The following DVL2 variants were observed in gnomAD, a reference collection of about 807,000 sequenced individuals.
DVL2 encodes the protein dishevelled segment polarity protein 2.
Under a neutral mutation model 69.8 loss-of-function variants are expected in DVL2, and 38 were observed. The observed-to-expected ratio is 0.54, with a 90% CI of 0.42 to 0.71. The LOEUF (loss-of-function observed/expected upper bound fraction) is 0.71. DVL2 is among the 30% of genes least tolerant of loss of function. The probability of loss-of-function intolerance (pLI) is 0.00; values close to 1 mark genes in which losing one functional copy is unlikely to be tolerated. For missense variants in DVL2, 931 were observed against 1,008.1 expected (o/e 0.92, Z 1.04); for synonymous variants, 428 against 392.4 (o/e 1.09, Z -1.07).
intron 1 of DVL2, 79 bp from the exon 2 acceptor site, chr17:7,230,876 T>TCCAGGAG (rs1294993201): frequency 1.0e-5 from 11 of 1,085,568 alleles, no homozygotes; most frequent in Admixed American, 6.2e-5. Flanking sequence ...TCTCCCAATC[T>TCCAGGAG]TCACCTGGCT....
In DVL2 at chr17:7,226,277, C is replaced by T. The variant is rs1204840227; in HGVS notation, c.1799G>A (p.Gly600Glu). 6.3e-7 allele frequency: 1 copy of T among 1,594,400 alleles called. No individual in the cohort carries two copies. The highest frequency in any genetic ancestry group is 1.3e-5 in the African/African-American group (1 of 74,230). The part of the protein sequence containing the change: ...RSSGSTRSDG[G>E]AGRTGRPEER... ...CTCGGGCCTCCCCGTGCGCCCTGCC[C>T]CCCCATCACTCCGTGTCGACCCACT... The change falls in exon 15 of 15, where the codon GGG becomes GAG. Residue 600 changes from glycine to glutamate, a missense_variant. Physicochemically the swap from Gly to Glu is moderately conservative, Grantham distance 98. Coordinates refer to ENST00000005340, the MANE Select transcript of DVL2 (RefSeq NM_004422.3).
Position 7,225,924 on chromosome 17 carries a change from G to T in DVL2, c.2152C>A (p.Arg718Ser). 6.2e-7 allele frequency: 1 copy of T among 1,613,908 alleles called. No homozygotes were observed. Among genetic ancestry groups the T allele is most frequent in the Non-Finnish European group, 8.5e-7 (1 of 1,180,034 alleles). Reference protein sequence around the residue: ...GSVPPELTASRQSFHMAMGNP... With the variant: ...GSVPPELTASSQSFHMAMGNP... Reference sequence around the variant, plus strand: ...CCCATGGCCATGTGGAAGCTTTGGCGGCTGGCTGTCAGTTCTGGGGGCACA... The same window carrying T: ...CCCATGGCCATGTGGAAGCTTTGGCTGCTGGCTGTCAGTTCTGGGGGCACA... The change falls in exon 15 of 15, where the codon CGC becomes AGC. Residue 718 changes from arginine (R) to serine (S), a missense_variant. Physicochemically the swap from Arg to Ser is moderately radical, Grantham distance 110 (BLOSUM62 -1). Around this residue, in one of 3 missense-constraint regions of DVL2, gnomAD observed 314 missense variants for 313.7 expected, o/e 1.00. Coordinates refer to ENST00000005340, the MANE Select transcript of DVL2 (RefSeq NM_004422.3).
chr17:7,232,430 C>T (rs561172798), intron 1 of DVL2, among the ~76,000 whole-genome samples: 1 of 152,236 alleles, frequency 6.6e-6, no homozygotes, highest in Non-Finnish European at 1.5e-5. Flanking sequence ...ATAACACAAT[C>T]TCAGCACAGC....
Position 7,227,229 on chromosome 17 carries a change from G to GCCCT in DVL2, c.1400_1403dup (p.Phe469GlyfsTer4). ...TGCGGGCCTCCCGCCGCTCAGGAAA[G>GCCCT]CCCTCCACGTGATGGTAGAGCCAGT... On this transcript the variant is annotated frameshift_variant, in exon 13 of 15. Transcript: ENST00000005340. LOFTEE classifies it high-confidence loss of function. 1 of 1,613,660 alleles carries GCCCT rather than the reference G, an allele frequency of 6.2e-7. No homozygotes were observed. The highest frequency in any genetic ancestry group is 8.5e-7 in the Non-Finnish European group (1 of 1,179,678).
chr17:7,228,244 C>T (rs2071488620), intron 9 of DVL2, 200 bp from the exon 10 acceptor site: 1 of 521,834 alleles, frequency 1.9e-6, no homozygotes, highest in South Asian at 2.7e-5. Flanking sequence ...AACATACTGC[C>T]AAGTGAGACA....
chr17:7,230,052 G>A lies in DVL2; in HGVS notation c.514C>T (p.His172Tyr). ...CCCCAGGCCTGCCCCTCACCGCCAT[G>A]CTCACTGCTGTCTCTCCTGCGAGGC... Reference protein sequence around the residue: ...ERPRRRDSSEHGAGGHRTGGP... With the variant: ...ERPRRRDSSEYGAGGHRTGGP... The change falls in exon 4 of 15, where the codon CAT becomes TAT. Residue 172 changes from histidine to tyrosine, a missense_variant. By Grantham distance (83) the His-to-Tyr change is moderately conservative. Transcript: ENST00000005340. 4 of 1,613,914 alleles carry A rather than the reference G, an allele frequency of 2.5e-6. No homozygotes were observed. Among genetic ancestry groups the A allele is most frequent in the Non-Finnish European group, 3.4e-6 (4 of 1,180,024 alleles).
intron 9 of DVL2, 73 bp from the exon 10 acceptor site, chr17:7,228,117 G>A (rs2071486160): frequency 3.1e-6 from 4 of 1,286,128 alleles, no homozygotes; most frequent in Non-Finnish European, 2.2e-6. Flanking sequence ...TCTGAAGCAA[G>A]GATGGATTAA....
intron 13 of DVL2, 95 bp from the exon 14 acceptor site, chr17:7,226,734 AC>A (rs1054177258): frequency 6.3e-5 from 63 of 994,420 alleles, no homozygotes; most frequent in Non-Finnish European, 8.8e-5. Context: ...GTTCTCCCAG[AC>A]CCACCCACGA....
intron 3 of DVL2, 34 bp downstream of exon 3, chr17:7,230,251 C>A (rs771275461): frequency 6.2e-7 from 1 of 1,613,572 alleles, no homozygotes; most frequent in African/African-American, 1.3e-5. Flanking sequence ...CTCCTCACCT[C>A]CCTCCCCTGC....
intron 9 of DVL2, 189 bp downstream of exon 9, chr17:7,228,780 C>T (rs1198173981): frequency 1.7e-6 from 1 of 589,770 alleles, no homozygotes; most frequent in East Asian, 2.9e-5. Context: ...CACGGTTTCA[C>T]CACATTGGTC....
In DVL2 at chr17:7,230,067, T is replaced by C. The variant is rs760859355; in HGVS notation, c.499A>G (p.Arg167Gly). ...VSLRRERPRRRDSSEHGAGGH... is the reference protein window; with the variant it reads ...VSLRRERPRRGDSSEHGAGGH... Reference sequence around the variant, plus strand: ...TCACCGCCATGCTCACTGCTGTCTCTCCTGCGAGGCCGCTCCCGCCTCAGT... The same window carrying C: ...TCACCGCCATGCTCACTGCTGTCTCCCCTGCGAGGCCGCTCCCGCCTCAGT... The change falls in exon 4 of 15, where the codon AGA becomes GGA. Residue 167 changes from arginine to glycine, a missense_variant. This residue lies in a region of DVL2 where 555 missense variants were observed against 588.8 expected (regional missense o/e 0.94). Coordinates refer to ENST00000005340, the MANE Select transcript of DVL2 (RefSeq NM_004422.3). 6.2e-7 allele frequency: 1 copy of C among 1,614,080 alleles called. No homozygotes were observed. Among genetic ancestry groups the C allele is most frequent in the East Asian group, 2.2e-5 (1 of 44,878 alleles).
chr17:7,226,688 G>A, intron 13 of DVL2, 49 bp from the exon 14 acceptor site: 1 of 1,395,976 alleles, frequency 7.2e-7, no homozygotes, highest in Middle Eastern at 2.1e-4. Context: ...AAGAGGCTAG[G>A]GCCCCAAGAC....
At chr17:7,231,196 G>A (rs1385197481) in intron 1 of DVL2, among the ~76,000 whole-genome samples, 1 of 152,092 alleles carries the variant, frequency 6.6e-6, no homozygotes, top group Non-Finnish European at 1.5e-5. Flanking sequence ...AGGCACGGTG[G>A]CTCACACCTG....
intron 1 of DVL2, chr17:7,233,796 T>C (rs531316293): frequency 2.8e-5 from 15 of 536,008 alleles, no homozygotes; most frequent in Non-Finnish European, 4.4e-5. Flanking sequence ...CAGACTAGAA[T>C]ACTCCAACAT....
intron 13 of DVL2, 82 bp from the exon 14 acceptor site, chr17:7,226,721 AC>A: frequency 8.8e-7 from 1 of 1,138,784 alleles, no homozygotes; most frequent in East Asian, 2.7e-5. Context: ...GGAACTGGGA[AC>A]AGTTCTCCCA....
Position 7,234,429 on chromosome 17 carries a change from G to T in DVL2, c.-167C>A. ...CGGATCTGCGAGGGTGGCGGCGGGG[G>T]GCGGGCCGCGGGGTGCGACTCAAAG... On this transcript the variant is annotated 5_prime_UTR_variant, in exon 1 of 15. Coordinates refer to ENST00000005340, the MANE Select transcript of DVL2 (RefSeq NM_004422.3). 1.3e-6 allele frequency: 1 copy of T among 795,230 alleles called. No homozygotes were observed. The highest frequency in any genetic ancestry group is 1.9e-6 in the Non-Finnish European group (1 of 536,758). 49.3% of individuals were successfully genotyped at this position (795,230 alleles called of 1,614,324 possible).
intron 1 of DVL2, among the ~76,000 whole-genome samples, chr17:7,231,499 C>T (rs2071542984): frequency 1.3e-5 from 2 of 150,078 alleles, no homozygotes; most frequent in South Asian, 4.2e-4. Context: ...CTCATCAAAG[C>T]CTCTACTCTT....
At chr17:7,226,788 C>A in intron 13 of DVL2, 149 bp from the exon 14 acceptor site, 1 of 677,480 alleles carries the variant, frequency 1.5e-6, no homozygotes, top group Non-Finnish European at 2.4e-6. Context: ...TGACAAGAAA[C>A]TCCCATCTAC....
chr17:7,233,305 CAATACGGCTGCCTG>C (rs1299036673), intron 1 of DVL2, among the ~76,000 whole-genome samples: 2 of 151,956 alleles, frequency 1.3e-5, no homozygotes, highest in Admixed American at 1.3e-4. Context: ...TGGAACATCC[CAATACGGCTGCCTG>C]TGCTAGCACA....
Sources: allele counts gnomAD v4.1 joint callset (sites outside exome capture counted in the v4.1 genomes callset), GRCh38; gene constraint gnomAD v4.1.1; regional missense constraint gnomAD v4.1.1; transcripts MANE v1.5; gene names NCBI Gene and HGNC (gene_info 2026-07-23, HGNC 2026-07-21).